TENM3: variants seen among roughly 807,000 people sequenced by gnomAD.
TENM3 encodes teneurin-3.
Under a neutral mutation model 255.1 loss-of-function variants are expected in TENM3, and 63 were observed. That is an observed-to-expected ratio of 0.25 (90% confidence interval 0.20 to 0.30). The LOEUF is 0.30. TENM3 is among the 10% of genes least tolerant of loss of function. The pLI, the probability that TENM3 is intolerant of heterozygous loss-of-function variation, is 1.00. For synonymous variants in TENM3, 1,306 were observed against 1,322.3 expected (o/e 0.99, Z 0.27); for missense variants, 2,929 against 3,461.1 (o/e 0.85, Z 3.86).
chr4:181,733,322 C>T, the TENM3 span, among the ~76,000 whole-genome samples: 2 of 152,174 alleles, frequency 1.3e-5, no homozygotes, highest in Admixed American at 6.5e-5. Flanking sequence ...CCAAAATCTT[C>T]TCTCTTATTG....
chr4:181,670,689 G>A, the TENM3 span, among the ~76,000 whole-genome samples: 1 of 152,132 alleles, frequency 6.6e-6, no homozygotes, highest in Non-Finnish European at 1.5e-5. Flanking sequence ...GGGTAGAAAT[G>A]GAAACAATGA....
At chr4:182,493,480 AT>A (rs1427574423) in intron 3 of TENM3, among the ~76,000 whole-genome samples, 9 of 152,174 alleles carry the variant, frequency 5.9e-5, no homozygotes, top group Non-Finnish European at 1.3e-4. Flanking sequence ...GCCTTATGAA[AT>A]GGGATTGTAA....
chr4:182,752,005 G>T lies in TENM3; in HGVS notation c.3835G>T (p.Val1279Leu), dbSNP rs536807084. 1 of 1,611,122 alleles carries T rather than the reference G, an allele frequency of 6.2e-7. No homozygotes were observed. The highest frequency in any genetic ancestry group is 8.5e-7 in the Non-Finnish European group (1 of 1,178,532). ...EARCGDGGKA[V>L]EATLMSPKGM... ...GAGATGTGGGGATGGAGGGAAGGCC[G>T]TGGAAGCCACACTCATGAGTCCCAA... Residue 1279 changes from valine to leucine, a missense_variant, in exon 20 of 28, where the codon GTG (valine) becomes TTG (leucine). By Grantham distance (32) the Val-to-Leu change is conservative (BLOSUM62 1). Transcript: ENST00000511685.
chr4:182,444,425 A>AAT lies in TENM3; in HGVS notation c.511+97507_511+97508dup, dbSNP rs964715390. 3.9e-5 allele frequency among the ~76,000 whole-genome samples: 6 copies of AAT among 152,146 alleles called. No individual in the cohort carries two copies. The South Asian group carries it at 8.3e-4, about 21-fold the overall frequency. On this transcript the variant is annotated intron_variant, in intron 3 of 27. Coordinates refer to ENST00000511685, the MANE Select transcript of TENM3 (RefSeq NM_001080477.4). Reference sequence around the variant, plus strand: ...ACAATTTCTTTGATATGCTTTTAAAAATATATATATATTTACAAATAAAGG... The same window carrying AAT: ...ACAATTTCTTTGATATGCTTTTAAAAATATATATATATATTTACAAATAAAGG...
the TENM3 span, among the ~76,000 whole-genome samples, chr4:181,747,485 A>T: frequency 1.1e-4 from 16 of 152,198 alleles, no homozygotes; most frequent in African/African-American, 3.8e-4. Context: ...ATCATATCCA[A>T]GAAGGCCATA....
At chr4:182,367,327 A>C (rs970420606) in intron 3 of TENM3, among the ~76,000 whole-genome samples, 18 of 152,162 alleles carry the variant, frequency 1.2e-4, no homozygotes, top group African/African-American at 3.6e-4. Flanking sequence ...CATTGACGGT[A>C]AAGTGGAATC....
intron 6 of TENM3, among the ~76,000 whole-genome samples, chr4:182,656,265 A>G (rs955090511): frequency 6.6e-6 from 1 of 152,170 alleles, no homozygotes; most frequent in Non-Finnish European, 1.5e-5. Flanking sequence ...TGGAAAAGCT[A>G]TCTCTCTCTG....
chr4:181,642,699 G>C, the TENM3 span, among the ~76,000 whole-genome samples: 2 of 152,172 alleles, frequency 1.3e-5, no homozygotes, highest in East Asian at 3.9e-4. Flanking sequence ...TAAGGAAGGG[G>C]TCCAGTTTCA....
chr4:181,494,886 G>A, the TENM3 span, among the ~76,000 whole-genome samples: 1 of 151,962 alleles, frequency 6.6e-6, no homozygotes, highest in South Asian at 2.1e-4. Flanking sequence ...TACTTCATCG[G>A]AAACTTCTGC....
chr4:182,385,620 G>A (rs780653622), intron 3 of TENM3, among the ~76,000 whole-genome samples: 2 of 151,874 alleles, frequency 1.3e-5, no homozygotes, highest in Non-Finnish European at 2.9e-5. Flanking sequence ...ATAATCCATT[G>A]CAATATTTGA....
chr4:181,576,311 G>T, the TENM3 span, among the ~76,000 whole-genome samples: 1 of 152,126 alleles, frequency 6.6e-6, no homozygotes, highest in African/African-American at 2.4e-5. Flanking sequence ...GTATTCCATT[G>T]TGTATATATA....
chr4:181,864,432 AAGAGAG>A, the TENM3 span, among the ~76,000 whole-genome samples: 2 of 151,402 alleles, frequency 1.3e-5, no homozygotes, highest in East Asian at 1.9e-4. Flanking sequence ...AGGAGACAAA[AAGAGAG>A]AGAGAGAGAG....
the TENM3 span, among the ~76,000 whole-genome samples, chr4:181,550,612 G>A: frequency 3.3e-5 from 5 of 152,132 alleles, no homozygotes; most frequent in African/African-American, 1.2e-4. Flanking sequence ...GAAATGACTG[G>A]CATTAAAAAT....
the TENM3 span, among the ~76,000 whole-genome samples, chr4:181,673,516 A>G: frequency 3.9e-5 from 6 of 152,188 alleles, no homozygotes; most frequent in Admixed American, 2.0e-4. Context: ...TTGAATATCT[A>G]CAATATAATA....
At chr4:182,276,796 T>C (rs1221030755) in intron 1 of TENM3, among the ~76,000 whole-genome samples, 2 of 152,230 alleles carry the variant, frequency 1.3e-5, no homozygotes, top group Non-Finnish European at 2.9e-5. Flanking sequence ...ATTTCGTCTG[T>C]ATGTATATAT....
At chr4:182,278,139 G>A (rs1760128548) in intron 1 of TENM3, among the ~76,000 whole-genome samples, 1 of 152,196 alleles carries the variant, frequency 6.6e-6, no homozygotes, top group South Asian at 2.1e-4. Flanking sequence ...GGCCAAGGCA[G>A]GCAGAGCACC....
the TENM3 span, among the ~76,000 whole-genome samples, chr4:181,860,503 G>T: frequency 5.3e-5 from 8 of 152,280 alleles, no homozygotes; most frequent in Admixed American, 4.6e-4. Context: ...ACAACCAAGA[G>T]ATTTGTGGTA....
chr4:182,448,617 C>G (rs1422282728), intron 3 of TENM3, among the ~76,000 whole-genome samples: 9 of 152,224 alleles, frequency 5.9e-5, no homozygotes, highest in African/African-American at 1.9e-4. Context: ...CAAAAGCCGC[C>G]GGCGAAGCCC....
chr4:182,265,288 G>A (rs1005528056), intron 1 of TENM3, among the ~76,000 whole-genome samples: 1 of 152,128 alleles, frequency 6.6e-6, no homozygotes, highest in African/African-American at 2.4e-5. Flanking sequence ...GTGATAGAGG[G>A]ATACTTGACT....
Sources: allele counts gnomAD v4.1 joint callset (sites outside exome capture counted in the v4.1 genomes callset), GRCh38; gene constraint gnomAD v4.1.1; transcripts MANE v1.5; gene names NCBI Gene and HGNC (gene_info 2026-07-23, HGNC 2026-07-21).